The following SNCAIP variants were observed in gnomAD, a reference collection of about 807,000 sequenced individuals.
SNCAIP encodes synphilin-1.
Under a neutral mutation model 86.7 loss-of-function variants are expected in SNCAIP, and 43 were observed. That is an observed-to-expected ratio of 0.50 (90% CI 0.39 to 0.64). SNCAIP has a LOEUF of 0.64. SNCAIP is among the 30% of genes least tolerant of loss of function. The probability of loss-of-function intolerance (pLI) is 0.00; values close to 1 mark genes in which losing one functional copy is unlikely to be tolerated. For synonymous variants in SNCAIP, 417 were observed against 427.2 expected, an observed-to-expected ratio of 0.98 and a Z score of 0.29; for missense variants, 981 against 1,103.1, an observed-to-expected ratio of 0.89 and a Z score of 1.57.
chr5:122,413,191 A>G (rs1774510206), intron 3 of SNCAIP, among the ~76,000 whole-genome samples: 1 of 152,238 alleles, frequency 6.6e-6, no homozygotes, highest in Non-Finnish European at 1.5e-5. Flanking sequence ...ACTCTTTGTT[A>G]TGGCCAATAA....
intron 1 of SNCAIP, chr5:122,321,919 A>T (rs1473200176): frequency 2.6e-5 from 4 of 152,172 alleles, no homozygotes; most frequent in Admixed American, 1.3e-4. Flanking sequence ...ACTTATAAGC[A>T]GTCTAGTATG....
intron 7 of SNCAIP, among the ~76,000 whole-genome samples, chr5:122,443,247 A>G (rs1055875063): frequency 3.9e-5 from 6 of 152,206 alleles, no homozygotes; most frequent in African/African-American, 1.2e-4. Flanking sequence ...AGGGGAAAAC[A>G]CTGTCTACTA....
intron 1 of SNCAIP, among the ~76,000 whole-genome samples, chr5:122,377,118 C>G (rs1469130793): frequency 6.6e-6 from 1 of 152,126 alleles, no homozygotes; most frequent in Admixed American, 6.6e-5. Context: ...GTTAAATCCT[C>G]CTTTTACTTG....
At chr5:122,376,020 G>A (rs73794595) in intron 1 of SNCAIP, among the ~76,000 whole-genome samples, 1,702 of 152,246 alleles carry the variant, frequency 0.011, 29 homozygotes, top group African/African-American at 0.037. Flanking sequence ...TCAGCATCAC[G>A]TGGGAACTTA....
rs55968414 is a variant in SNCAIP, at chr5:122,445,645, TACACACAC to T, written c.1592+935_1592+942del. ...GGAAAATACTCTTACCTTTAAGTTT[TACACACAC>T]ACACACACACACACACACACATTTT... On this transcript the variant is annotated intron_variant, in intron 8 of 10. Coordinates refer to ENST00000261368, the MANE Select transcript of SNCAIP (RefSeq NM_005460.4). 1.3e-3 allele frequency among the ~76,000 whole-genome samples: 190 copies of T among 143,160 alleles called. 1 individual carries two copies. Among genetic ancestry groups the T allele is most frequent in the African/African-American group, 4.8e-3 (185 of 38,404 alleles). 93.9% of individuals were successfully genotyped at this position (143,160 alleles called of 152,430 possible). A position where few individuals can be genotyped will look rare whatever the true frequency, so the allele number is the denominator to read the frequency against.
At chr5:122,436,533 G>A (rs748427742) in intron 6 of SNCAIP, 10 of 151,946 alleles carry the variant, frequency 6.6e-5, no homozygotes, top group Non-Finnish European at 1.3e-4. Flanking sequence ...ACATTTTACC[G>A]TCTTTTGATT....
chr5:122,352,752 T>C (rs1760139700), intron 1 of SNCAIP, among the ~76,000 whole-genome samples: 1 of 152,182 alleles, frequency 6.6e-6, no homozygotes, highest in African/African-American at 2.4e-5. Flanking sequence ...GGCTCACACC[T>C]GTGATCCAGC....
At chr5:122,358,153 G>A (rs1047567905) in intron 1 of SNCAIP, among the ~76,000 whole-genome samples, 1 of 136,364 alleles carries the variant, frequency 7.3e-6, no homozygotes, top group Non-Finnish European at 1.6e-5. Context: ...AGAAAAATTT[G>A]TTTCTTTGTG....
intron 1 of SNCAIP, among the ~76,000 whole-genome samples, chr5:122,349,819 C>T (rs1054976241): frequency 1.3e-5 from 2 of 152,136 alleles, no homozygotes; most frequent in South Asian, 2.1e-4. Context: ...GGTGCTTCAT[C>T]GGGCCATGAT....
chr5:122,359,349 T>TTTTTTTATTTA (rs372903978), intron 1 of SNCAIP, among the ~76,000 whole-genome samples: 13 of 142,182 alleles, frequency 9.1e-5, no homozygotes, highest in Non-Finnish European at 2.0e-4. Flanking sequence ...AGATTTTTAT[T>TTTTTTTATTTA]TTTATTTATT....
chr5:122,324,599 A>G (rs962871941), intron 1 of SNCAIP, among the ~76,000 whole-genome samples: 1 of 152,226 alleles, frequency 6.6e-6, no homozygotes, highest in African/African-American at 2.4e-5. Flanking sequence ...TGCAGCTAAT[A>G]GAGGTTAGGG....
At chr5:122,334,839 A>G (rs1355121776) in intron 1 of SNCAIP, among the ~76,000 whole-genome samples, 2 of 152,350 alleles carry the variant, frequency 1.3e-5, no homozygotes, top group South Asian at 2.1e-4. Context: ...CTGATTTTGG[A>G]TAAGTGTCCA....
intron 3 of SNCAIP, among the ~76,000 whole-genome samples, chr5:122,422,300 T>G (rs1405357704): frequency 6.6e-6 from 1 of 152,192 alleles, no homozygotes; most frequent in Non-Finnish European, 1.5e-5. Context: ...TTCCTATTCT[T>G]TCCCTAATCC....
chr5:122,454,403 C>T (rs1448586911), intron 10 of SNCAIP: 1 of 152,696 alleles, frequency 6.5e-6, no homozygotes, highest in African/African-American at 2.4e-5. Flanking sequence ...TACTGGTCAC[C>T]AGTGATCTGC....
chr5:122,446,454 G>A (rs576266675), intron 8 of SNCAIP, among the ~76,000 whole-genome samples: 75 of 152,260 alleles, frequency 4.9e-4, no homozygotes, highest in African/African-American at 1.5e-3. Context: ...AGCTACAATC[G>A]CTCTTTTATT....
At chr5:122,368,043 C>T (rs1328538718) in intron 1 of SNCAIP, among the ~76,000 whole-genome samples, 2 of 152,144 alleles carry the variant, frequency 1.3e-5, no homozygotes, top group Non-Finnish European at 2.9e-5. Context: ...AGTCTTCTGA[C>T]TTTGGAGTCG....
chr5:122,319,811 A>C (rs1208969683), intron 1 of SNCAIP, among the ~76,000 whole-genome samples: 1 of 152,240 alleles, frequency 6.6e-6, no homozygotes, highest in African/African-American at 2.4e-5. Context: ...TGAAAGGTAC[A>C]TTATAGCTAA....
intron 6 of SNCAIP, 121 bp downstream of exon 6, chr5:122,432,203 A>G (rs748005166): frequency 3.9e-5 from 26 of 670,848 alleles, no homozygotes; most frequent in Non-Finnish European, 6.3e-5. Flanking sequence ...AAAGGTATAT[A>G]ACCAATGATA....
rs1360531232 is a variant in SNCAIP, at chr5:122,401,840, G to A, written c.58-1953G>A. ...CAAATTAAAACTTACTATACACTATGGGCCTTTGAGGCCAAATAGGAAAAG... is the reference window on the plus strand; with the variant it reads ...CAAATTAAAACTTACTATACACTATAGGCCTTTGAGGCCAAATAGGAAAAG... On this transcript the variant is annotated intron_variant, in intron 2 of 10. Transcript: ENST00000261368. Among the ~76,000 whole-genome samples, 3 of 152,148 alleles carry A rather than the reference G, an allele frequency of 2.0e-5. No individual in the cohort carries two copies. In the East Asian group the frequency reaches 5.8e-4, roughly 29 times the overall value.
Sources: allele counts gnomAD v4.1 joint callset (sites outside exome capture counted in the v4.1 genomes callset), GRCh38; gene constraint gnomAD v4.1.1; transcripts MANE v1.5; gene names NCBI Gene and HGNC (gene_info 2026-07-23, HGNC 2026-07-21).